NLGN1: variants seen among roughly 807,000 people sequenced by gnomAD.
NLGN1 encodes neuroligin 1, also known as neuroligin-1.
Under a neutral mutation model 65.5 loss-of-function variants are expected in NLGN1, and 12 were observed. That is an observed-to-expected ratio of 0.18 (90% CI 0.12 to 0.30). NLGN1 has a LOEUF of 0.30. NLGN1 is among the 10% of genes least tolerant of loss of function. The pLI, the probability that NLGN1 is intolerant of heterozygous loss-of-function variation, is 1.00. For missense variants in NLGN1, 750 were observed against 1,007.1 expected (o/e 0.74, Z 3.46); for synonymous variants, 350 against 359.5 (o/e 0.97, Z 0.30).
intron 4 of NLGN1, among the ~76,000 whole-genome samples, chr3:174,231,099 C>G (rs1167511668): frequency 6.6e-6 from 1 of 152,118 alleles, no homozygotes; most frequent in Non-Finnish European, 1.5e-5. Flanking sequence ...ACAAGGATAC[C>G]TTGGAGGTTA....
chr3:173,865,567 C>CT (rs1729982203), intron 4 of NLGN1, among the ~76,000 whole-genome samples: 1 of 152,000 alleles, frequency 6.6e-6, no homozygotes, highest in Admixed American at 6.6e-5. Flanking sequence ...ACTTGCAGCA[C>CT]TGATAGATTT....
chr3:174,135,025 C>A (rs1394349503), intron 4 of NLGN1, among the ~76,000 whole-genome samples: 1 of 152,072 alleles, frequency 6.6e-6, no homozygotes, highest in East Asian at 1.9e-4. Context: ...TAGTGTTCTG[C>A]CAAAGTTCTG....
chr3:174,007,118 G>A (rs1422866088), intron 4 of NLGN1, among the ~76,000 whole-genome samples: 1 of 151,948 alleles, frequency 6.6e-6, no homozygotes, highest in East Asian at 1.9e-4. Flanking sequence ...GAGACACTAG[G>A]GATGCATGCA....
At chr3:173,653,953 G>C (rs1759595410) in intron 3 of NLGN1, among the ~76,000 whole-genome samples, 1 of 152,092 alleles carries the variant, frequency 6.6e-6, no homozygotes, top group Non-Finnish European at 1.5e-5. Context: ...AGCAACCTTG[G>C]CTGAGTCAAT....
intron 4 of NLGN1, among the ~76,000 whole-genome samples, chr3:173,958,510 T>C (rs1411668032): frequency 2.0e-5 from 3 of 152,066 alleles, no homozygotes; most frequent in Admixed American, 1.3e-4. Context: ...GGGTAGCTCC[T>C]CTCCACAGTG....
At chr3:174,233,820 T>G in intron 4 of NLGN1, among the ~76,000 whole-genome samples, 1 of 152,264 alleles carries the variant, frequency 6.6e-6, no homozygotes, top group East Asian at 1.9e-4. Flanking sequence ...ATGGTATTAT[T>G]AAGTCCACAA....
intron 4 of NLGN1, among the ~76,000 whole-genome samples, chr3:174,055,599 C>T (rs933667216): frequency 2.0e-5 from 3 of 151,916 alleles, no homozygotes; most frequent in Non-Finnish European, 2.9e-5. Flanking sequence ...AAAATTCATT[C>T]CTGTGTTCAG....
intron 5 of NLGN1, among the ~76,000 whole-genome samples, chr3:174,275,884 A>C (rs150386318): frequency 6.6e-6 from 1 of 151,912 alleles, no homozygotes; most frequent in Non-Finnish European, 1.5e-5. Flanking sequence ...GACTTTTTAC[A>C]TGCAGGGATT....
chr3:174,017,173 A>G (rs957177099), intron 4 of NLGN1, among the ~76,000 whole-genome samples: 5 of 152,286 alleles, frequency 3.3e-5, no homozygotes, highest in African/African-American at 9.6e-5. Context: ...AGTTAAACAG[A>G]TGAAAAGCCT....
chr3:173,936,443 A>T (rs903984484), intron 4 of NLGN1, among the ~76,000 whole-genome samples: 2 of 152,068 alleles, frequency 1.3e-5, no homozygotes, highest in African/African-American at 2.4e-5. Flanking sequence ...GTATTCTAGC[A>T]TTATAAGGGT....
At chr3:173,553,554 T>C (rs569532526) in intron 2 of NLGN1, among the ~76,000 whole-genome samples, 1 of 152,312 alleles carries the variant, frequency 6.6e-6, no homozygotes, top group Admixed American at 6.5e-5. Context: ...AAGAGCCTCA[T>C]AAGTAAGAGG....
At chr3:174,162,874 G>A (rs1233899349) in intron 4 of NLGN1, among the ~76,000 whole-genome samples, 2 of 151,592 alleles carry the variant, frequency 1.3e-5, no homozygotes, top group African/African-American at 4.8e-5. Context: ...GCTACTCTCT[G>A]TCAGGCACAG....
At chr3:174,135,368 A>G (rs908831504) in intron 4 of NLGN1, among the ~76,000 whole-genome samples, 3 of 152,216 alleles carry the variant, frequency 2.0e-5, no homozygotes, top group African/African-American at 7.2e-5. Flanking sequence ...GGCAGAGGAC[A>G]TAAAGGTGTA....
intron 4 of NLGN1, among the ~76,000 whole-genome samples, chr3:174,140,608 C>G (rs1006335478): frequency 8.5e-5 from 13 of 152,078 alleles, no homozygotes; most frequent in Non-Finnish European, 1.5e-5. Flanking sequence ...CAAATCCAAG[C>G]AATATGGTTC....
intron 3 of NLGN1, among the ~76,000 whole-genome samples, chr3:173,631,623 G>A (rs1755703102): frequency 1.3e-5 from 2 of 152,130 alleles, no homozygotes; most frequent in African/African-American, 4.8e-5. Context: ...TGGCAACTTG[G>A]TAAATATAGA....
At chr3:173,597,753 A>G (rs1055679629) in intron 2 of NLGN1, among the ~76,000 whole-genome samples, 5 of 151,580 alleles carry the variant, frequency 3.3e-5, no homozygotes, top group African/African-American at 1.2e-4. Context: ...ACAAAAATAG[A>G]CACTAAGAAA....
intron 2 of NLGN1, among the ~76,000 whole-genome samples, chr3:173,518,230 T>C (rs1396204507): frequency 6.6e-6 from 1 of 152,000 alleles, no homozygotes; most frequent in South Asian, 2.1e-4. Context: ...TTTGCATTTG[T>C]GCTAATATAA....
chr3:174,225,394 A>G (rs1435270009), intron 4 of NLGN1, among the ~76,000 whole-genome samples: 2 of 152,162 alleles, frequency 1.3e-5, no homozygotes, highest in Non-Finnish European at 2.9e-5. Context: ...TGAATATCCA[A>G]AGTGATATAA....
chr3:174,215,193 C>T (rs1374104991), intron 4 of NLGN1, among the ~76,000 whole-genome samples: 1 of 152,066 alleles, frequency 6.6e-6, no homozygotes, highest in African/African-American at 2.4e-5. Context: ...TCTTTGGTTT[C>T]ATTCAGTTCA....
Sources: gnomAD v4.1 joint callset for allele counts (sites outside exome capture counted in the v4.1 genomes callset) on GRCh38, gnomAD v4.1.1 for gene constraint, MANE v1.5 for transcripts, NCBI Gene and HGNC (gene_info 2026-07-23, HGNC 2026-07-21) for gene names.